CEP63: variants seen among roughly 807,000 people sequenced by gnomAD.
CEP63 encodes centrosomal protein of 63 kDa.
Under a neutral mutation model 89.1 loss-of-function variants are expected in CEP63, and 84 were observed. That is an observed-to-expected ratio of 0.94 (90% CI 0.79 to 1.13). The LOEUF is 1.13. Among genes scored for constraint, CEP63 ranks in the 50% most tolerant of loss-of-function variants. CEP63 has a pLI of 0.00. For synonymous variants in CEP63, 267 were observed against 272.5 expected, an observed-to-expected ratio of 0.98 and a Z score of 0.20; for missense variants, 838 against 813.3, an observed-to-expected ratio of 1.03 and a Z score of -0.37.
At chr3:134,659,096 C>T in the CEP63 span, among the ~76,000 whole-genome samples, 3 of 152,144 alleles carry the variant, frequency 2.0e-5, no homozygotes, top group Non-Finnish European at 4.4e-5. Flanking sequence ...GGAGTCTTTA[C>T]ACTCCATGGC....
At chr3:134,618,437 T>C in the CEP63 span, among the ~76,000 whole-genome samples, 6 of 152,154 alleles carry the variant, frequency 3.9e-5, no homozygotes, top group African/African-American at 1.2e-4. Flanking sequence ...GAGGGGTTCT[T>C]TGATGGCCCC....
the CEP63 span, among the ~76,000 whole-genome samples, chr3:134,702,269 C>G: frequency 6.6e-6 from 1 of 151,806 alleles, no homozygotes; most frequent in African/African-American, 2.4e-5. Flanking sequence ...GAATCAATAT[C>G]AGGAAAATAG....
At chr3:134,609,628 G>T in the CEP63 span, among the ~76,000 whole-genome samples, 2 of 152,168 alleles carry the variant, frequency 1.3e-5, no homozygotes, top group African/African-American at 4.8e-5. Context: ...CAGAGCCCCA[G>T]AGGACAGAAA....
At position 134,501,954 on chromosome 3, in the gene CEP63, T is replaced by C. The variant is rs140238839; in HGVS notation, c.45-5155T>C. Among the ~76,000 whole-genome samples, 1,135 of 152,308 alleles carry C rather than the reference T, an allele frequency of 7.5e-3. 23 individuals carry two copies. Among genetic ancestry groups the C allele is most frequent in the South Asian group, 0.074 (357 of 4,830 alleles). On this transcript the variant is annotated intron_variant, in intron 2 of 14. Coordinates refer to ENST00000675561, the MANE Select transcript of CEP63 (RefSeq NM_001353108.3). The stretch of plus-strand genomic sequence containing the variant: ...AACTTTTGCCTATTCAGTATGATAT[T>C]GGCTGTGGGTTTGTCATAGATGGCT...
the CEP63 span, among the ~76,000 whole-genome samples, chr3:134,642,316 G>C: frequency 6.6e-6 from 1 of 152,314 alleles, no homozygotes; most frequent in African/African-American, 2.4e-5. Flanking sequence ...CTCTGAATTT[G>C]ATCAGATAAT....
Position 134,545,794 on chromosome 3 carries a change from T to G in CEP63, c.764T>G (p.Leu255Trp), listed in dbSNP as rs775712041. Residue 255 changes from leucine to tryptophan, a missense_variant, in exon 7 of 15, where the codon TTG (leucine) becomes TGG (tryptophan). By Grantham distance (61) the Leu-to-Trp change is moderately conservative. Transcript: ENST00000675561. Reference protein sequence around the residue: ...LQEQQQKEEKLRESEKLLEAL... With the variant: ...LQEQQQKEEKWRESEKLLEAL... ...GAGCAGCAGCAAAAAGAAGAAAAAT[T>G]GAGGGAATCTGAAAAACTATTAGAG... 6.2e-7 allele frequency: 1 copy of G among 1,613,484 alleles called. No homozygotes were observed. Among genetic ancestry groups the G allele is most frequent in the Non-Finnish European group, 8.5e-7 (1 of 1,179,620 alleles).
At chr3:134,661,943 C>A in the CEP63 span, among the ~76,000 whole-genome samples, 1 of 152,106 alleles carries the variant, frequency 6.6e-6, no homozygotes, top group African/African-American at 2.4e-5. Flanking sequence ...AAAAGCAGTT[C>A]GAAAAACCTT....
At chr3:134,689,900 G>C in the CEP63 span, among the ~76,000 whole-genome samples, 1 of 151,944 alleles carries the variant, frequency 6.6e-6, no homozygotes, top group African/African-American at 2.4e-5. Flanking sequence ...GGCAAGTGGG[G>C]GCAAAGCTGG....
At chr3:134,658,148 A>G in the CEP63 span, among the ~76,000 whole-genome samples, 1 of 152,184 alleles carries the variant, frequency 6.6e-6, no homozygotes, top group Non-Finnish European at 1.5e-5. Flanking sequence ...TGCCCGCCTC[A>G]GCCTCCCAAA....
At chr3:134,645,676 G>A in the CEP63 span, among the ~76,000 whole-genome samples, 2 of 152,098 alleles carry the variant, frequency 1.3e-5, no homozygotes, top group African/African-American at 4.8e-5. Flanking sequence ...TTTTTTCTGG[G>A]CTCAGGGCCT....
At chr3:134,497,551 T>A (rs74855436) in intron 2 of CEP63, among the ~76,000 whole-genome samples, 1 of 151,966 alleles carries the variant, frequency 6.6e-6, no homozygotes, top group Admixed American at 6.6e-5. Flanking sequence ...GTTTTTTTTT[T>A]AAGAGATGAG....
the CEP63 span, among the ~76,000 whole-genome samples, chr3:134,755,420 A>G: frequency 2.0e-5 from 3 of 152,282 alleles, no homozygotes; most frequent in East Asian, 5.8e-4. Flanking sequence ...TCAGCTGGAG[A>G]TAAGGGGTGA....
chr3:134,610,420 G>A, the CEP63 span: 15 of 1,567,268 alleles, frequency 9.6e-6, no homozygotes, highest in African/African-American at 8.1e-5. Flanking sequence ...GGGGGATCCC[G>A]CTGTGGCTTG....
At chr3:134,574,882 A>G (rs1248278576) in exon 12 of CEP63, 1 of 536,032 alleles carries the variant, frequency 1.9e-6, no homozygotes, top group Non-Finnish European at 3.4e-6. Context: ...TGCTGGAATT[A>G]CAAGTGTGAG....
chr3:134,616,758 A>G, the CEP63 span, among the ~76,000 whole-genome samples: 4 of 152,214 alleles, frequency 2.6e-5, no homozygotes, highest in Admixed American at 2.0e-4. Context: ...AATTTTCTGA[A>G]TCTATGTAGG....
the CEP63 span, chr3:134,619,023 G>A: frequency 4.4e-3 from 3,221 of 735,488 alleles, 61 homozygotes; most frequent in African/African-American, 0.046. Flanking sequence ...GGACTCACTT[G>A]GGTTCCAGAG....
chr3:134,549,960 G>A, intron 10 of CEP63, 103 bp from the exon 11 acceptor site: 5 of 855,010 alleles, frequency 5.8e-6, no homozygotes, highest in Non-Finnish European at 9.5e-6. Context: ...GAAATTTAAT[G>A]TCTTGAGATA....
the CEP63 span, among the ~76,000 whole-genome samples, chr3:134,719,395 T>G: frequency 1.3e-5 from 2 of 152,292 alleles, no homozygotes; most frequent in Non-Finnish European, 2.9e-5. Flanking sequence ...GACATTAAAC[T>G]ATAAGAAGCA....
chr3:134,650,716 T>A, the CEP63 span: 502 of 1,061,136 alleles, frequency 4.7e-4, 3 homozygotes, highest in Admixed American at 1.2e-3. Flanking sequence ...AGGGTCGGGT[T>A]CGCTGACCTC....
Sources: allele counts gnomAD v4.1 joint callset (sites outside exome capture counted in the v4.1 genomes callset), GRCh38; gene constraint gnomAD v4.1.1; transcripts MANE v1.5; gene names NCBI Gene and HGNC (gene_info 2026-07-23, HGNC 2026-07-21).